MTA3: variants seen among roughly 807,000 people sequenced by gnomAD.
The protein encoded by MTA3 is metastasis associated 1 family member 3, also known as metastasis-associated protein MTA3.
A neutral mutation model predicts 83.5 loss-of-function variants in MTA3; 34 were observed. The ratio of observed to expected loss-of-function variants is 0.41; its 90% CI spans 0.31 to 0.54. The LOEUF (loss-of-function observed/expected upper bound fraction) is 0.54, where lower values mean the gene tolerates loss of function less well. MTA3 is among the 20% of genes least tolerant of loss of function. The probability of loss-of-function intolerance (pLI) is 0.33; values close to 1 mark genes in which losing one functional copy is unlikely to be tolerated. For missense variants in MTA3, 761 were observed against 726.4 expected, an observed-to-expected ratio of 1.05 and a Z score of -0.55; for synonymous variants, 303 against 252.7, an observed-to-expected ratio of 1.20 and a Z score of -1.89.
intron 2 of MTA3, among the ~76,000 whole-genome samples, chr2:42,555,553 G>A (rs1216606048): frequency 6.7e-6 from 1 of 149,194 alleles, no homozygotes; most frequent in Non-Finnish European, 1.5e-5. Flanking sequence ...GAGGTCAGGA[G>A]ATCGAGACCA....
At chr2:42,577,101 A>G (rs1471388438) in intron 2 of MTA3, among the ~76,000 whole-genome samples, 1 of 72,736 alleles carries the variant, frequency 1.4e-5, no homozygotes, top group Non-Finnish European at 2.6e-5. Context: ...TAAAAAAAAA[A>G]AAAAATATAT....
intron 2 of MTA3, among the ~76,000 whole-genome samples, chr2:42,562,801 C>G (rs1055292975): frequency 6.6e-6 from 1 of 152,204 alleles, no homozygotes; most frequent in African/African-American, 2.4e-5. Context: ...CTCCTAAACA[C>G]CAGGCCTTTT....
In MTA3 at chr2:42,755,046, T is replaced by C; in HGVS notation, c.*1647T>C. On this transcript the variant is annotated 3_prime_UTR_variant, in exon 17 of 17. Transcript: ENST00000405094. ...AGGGTGGGGCCTGTGTCAGAAGCATTTGGTGAGAGGGGTGGAGGTGGCAGG... is the reference window on the plus strand; with the variant it reads ...AGGGTGGGGCCTGTGTCAGAAGCATCTGGTGAGAGGGGTGGAGGTGGCAGG... The C allele has an allele frequency of 2.0e-6, 2 of 985,524 alleles. No individual in the cohort carries two copies. The highest frequency in any genetic ancestry group is 2.4e-6 in the Non-Finnish European group (2 of 830,118). The allele number at this position is 985,524 out of a possible 1,614,324, so 61.0% of individuals were successfully genotyped here.
At chr2:42,520,040 C>A (rs1466861412) in intron 2 of MTA3, among the ~76,000 whole-genome samples, 3 of 151,954 alleles carry the variant, frequency 2.0e-5, no homozygotes, top group African/African-American at 7.3e-5. Context: ...CAGACCTTGT[C>A]TCAAAAAAAA....
At chr2:42,697,017 T>G (rs1407639813) in intron 10 of MTA3, among the ~76,000 whole-genome samples, 1 of 152,218 alleles carries the variant, frequency 6.6e-6, no homozygotes, top group African/African-American at 2.4e-5. Context: ...TTCTAAAAGT[T>G]TCAAGTTGTC....
intron 2 of MTA3, among the ~76,000 whole-genome samples, chr2:42,534,888 G>T (rs1229361418): frequency 6.6e-6 from 1 of 151,992 alleles, no homozygotes; most frequent in Admixed American, 6.6e-5. Flanking sequence ...CTCCCAAAGT[G>T]CTGGTTTTAC....
At chr2:42,525,263 G>A (rs933220763) in intron 2 of MTA3, among the ~76,000 whole-genome samples, 5 of 151,238 alleles carry the variant, frequency 3.3e-5, no homozygotes, top group Non-Finnish European at 4.4e-5. Flanking sequence ...GCAGTGGCAC[G>A]ATCTCAGCTC....
intron 4 of MTA3, among the ~76,000 whole-genome samples, chr2:42,616,798 C>T (rs1319335872): frequency 6.6e-6 from 1 of 151,728 alleles, no homozygotes; most frequent in South Asian, 2.1e-4. Context: ...AGGCTGTTCG[C>T]AAACGATCGC....
chr2:42,720,756 T>C (rs1410602029), intron 15 of MTA3, among the ~76,000 whole-genome samples: 1 of 151,860 alleles, frequency 6.6e-6, no homozygotes, highest in Non-Finnish European at 1.5e-5. Context: ...AGTTTGAGCC[T>C]GGGTAACATA....
At chr2:42,555,503 G>A (rs1186746907) in intron 2 of MTA3, among the ~76,000 whole-genome samples, 1 of 144,138 alleles carries the variant, frequency 6.9e-6, no homozygotes, top group Non-Finnish European at 1.5e-5. Context: ...GCTCACACCT[G>A]TAATCTTAGC....
chr2:42,548,409 T>A (rs1676859586), intron 2 of MTA3, among the ~76,000 whole-genome samples: 1 of 152,054 alleles, frequency 6.6e-6, no homozygotes. Flanking sequence ...GAGGTTGCAG[T>A]GAGCCGAAAT....
intron 4 of MTA3, among the ~76,000 whole-genome samples, chr2:42,634,869 C>T (rs57060207): frequency 3.9e-5 from 6 of 152,044 alleles, no homozygotes; most frequent in Non-Finnish European, 8.8e-5. Context: ...CCTTTGCCAT[C>T]TGTTTCTAAT....
chr2:42,751,059 A>G (rs969502683), intron 16 of MTA3, among the ~76,000 whole-genome samples: 1 of 152,132 alleles, frequency 6.6e-6, no homozygotes, highest in Non-Finnish European at 1.5e-5. Flanking sequence ...TCACTCATTT[A>G]TCTGCTTTCC....
intron 4 of MTA3, among the ~76,000 whole-genome samples, chr2:42,617,125 A>G (rs1443097056): frequency 6.6e-6 from 1 of 152,218 alleles, no homozygotes; most frequent in African/African-American, 2.4e-5. Context: ...GAAAGGTTCT[A>G]GCCTATAAGA....
chr2:42,580,263 G>A (rs1286980809), intron 3 of MTA3, among the ~76,000 whole-genome samples: 2 of 152,034 alleles, frequency 1.3e-5, no homozygotes, highest in East Asian at 3.9e-4. Flanking sequence ...TTATTGGTGT[G>A]AGCCACCATG....
chr2:42,749,020 A>G (rs1460061186), intron 16 of MTA3, among the ~76,000 whole-genome samples: 2 of 152,246 alleles, frequency 1.3e-5, no homozygotes, highest in East Asian at 3.8e-4. Context: ...CTGTCTTCTC[A>G]GCACTGGACA....
At chr2:42,705,112 A>G (rs543025619) in intron 12 of MTA3, among the ~76,000 whole-genome samples, 65 of 152,268 alleles carry the variant, frequency 4.3e-4, no homozygotes, top group African/African-American at 1.5e-3. Flanking sequence ...TTCAGGAAGG[A>G]TATAGGAATG....
rs560471154 is a variant in MTA3, at chr2:42,718,144, GAT to G, written c.1526-842_1526-841del. On this transcript the variant is annotated intron_variant, in intron 14 of 16. Transcript: ENST00000405094. Reference sequence around the variant, plus strand: ...TTTCTAGGGGTTAACGAGTTCTTTTGATAGCCCATGAAAACATCACATGGTTA... The same window carrying G: ...TTTCTAGGGGTTAACGAGTTCTTTTGAGCCCATGAAAACATCACATGGTTA... 2.0e-3 allele frequency among the ~76,000 whole-genome samples: 255 copies of G among 124,706 alleles called. 1 individual carries two copies. Among genetic ancestry groups the G allele is most frequent in the African/African-American group, 7.4e-3 (243 of 33,052 alleles). The allele number at this position is 124,706 out of a possible 152,430, so 81.8% of individuals were successfully genotyped here.
At chr2:42,536,639 C>A (rs1432433984) in intron 2 of MTA3, among the ~76,000 whole-genome samples, 2 of 151,996 alleles carry the variant, frequency 1.3e-5, no homozygotes, top group East Asian at 3.9e-4. Flanking sequence ...GCAGGCGGAT[C>A]ACGAGGTCAG....
Sources: gnomAD v4.1 joint callset for allele counts (sites outside exome capture counted in the v4.1 genomes callset) on GRCh38, gnomAD v4.1.1 for gene constraint, MANE v1.5 for transcripts, NCBI Gene and HGNC (gene_info 2026-07-23, HGNC 2026-07-21) for gene names.